The following GRIK1 variants were observed in gnomAD, a reference collection of about 807,000 sequenced individuals.
GRIK1 encodes the protein glutamate ionotropic receptor kainate type subunit 1, also known as glutamate receptor ionotropic, kainate 1.
Under a neutral mutation model 105.7 loss-of-function variants are expected in GRIK1, and 69 were observed. The observed-to-expected ratio is 0.65, with a 90% CI of 0.54 to 0.80. The LOEUF is 0.80. Ranked by LOEUF, GRIK1 falls within the 30% of genes least tolerant of loss-of-function variation. GRIK1 has a pLI of 0.00. For missense variants in GRIK1, 1,109 were observed against 1,167.3 expected (o/e 0.95, Z 0.73); for synonymous variants, 438 against 431.3 (o/e 1.02, Z -0.19).
intron 1 of GRIK1, among the ~76,000 whole-genome samples, chr21:29,872,049 C>T (rs1164625727): frequency 6.6e-6 from 1 of 151,962 alleles, no homozygotes; most frequent in African/African-American, 2.4e-5. Flanking sequence ...CAGGCATGAG[C>T]CACCATGCCA....
intron 1 of GRIK1, among the ~76,000 whole-genome samples, chr21:29,757,158 AG>A (rs1032566777): frequency 2.0e-5 from 3 of 152,158 alleles, no homozygotes; most frequent in African/African-American, 7.2e-5. Flanking sequence ...TTAAAAAAAA[AG>A]AAATGCGAAC....
At chr21:29,779,369 T>C (rs2066029758) in intron 1 of GRIK1, among the ~76,000 whole-genome samples, 1 of 150,670 alleles carries the variant, frequency 6.6e-6, no homozygotes, top group Non-Finnish European at 1.5e-5. Context: ...TGTGCACGTG[T>C]GTGTGTGCAT....
At chr21:29,922,015 GA>G (rs1468676646) in intron 1 of GRIK1, among the ~76,000 whole-genome samples, 1 of 152,116 alleles carries the variant, frequency 6.6e-6, no homozygotes, top group African/African-American at 2.4e-5. Context: ...AAAGGTAGAT[GA>G]AAGAAAGGAT....
At chr21:29,622,187 T>C (rs1372333803) in intron 7 of GRIK1, among the ~76,000 whole-genome samples, 1 of 152,044 alleles carries the variant, frequency 6.6e-6, no homozygotes. Flanking sequence ...CCTCAGGTGA[T>C]CCACCCGTCT....
intron 1 of GRIK1, among the ~76,000 whole-genome samples, chr21:29,937,649 G>A (rs192518109): frequency 1.1e-4 from 16 of 152,306 alleles, no homozygotes; most frequent in Non-Finnish European, 1.5e-4. Context: ...ATACAGGGAT[G>A]AGGAACATTG....
chr21:29,888,950 T>A (rs1348124651), intron 1 of GRIK1, among the ~76,000 whole-genome samples: 6 of 152,208 alleles, frequency 3.9e-5, no homozygotes, highest in Non-Finnish European at 5.9e-5. Flanking sequence ...TCCATCCTGT[T>A]TTTTTGTAAC....
At position 29,561,670 on chromosome 21, in the gene GRIK1, G is replaced by T. The variant is rs144877234; in HGVS notation, c.2310C>A (p.Ile770=). Residue 770 remains isoleucine, a synonymous_variant, in exon 15 of 18, where the codon ATC becomes ATA. Transcript: ENST00000327783. ...AACCTTTGGAGTCAATGAGGCCCCC[G>T]ATCTGAGTGAGGTTGCAGTTTCTCT... ...VTQRNCNLTQ[I]GGLIDSKGYG... 2 of 1,613,962 alleles carry T rather than the reference G, an allele frequency of 1.2e-6. No individual in the cohort carries two copies. Among genetic ancestry groups the T allele is most frequent in the East Asian group, 4.5e-5 (2 of 44,878 alleles).
intron 14 of GRIK1, 98 bp from the exon 15 acceptor site, chr21:29,561,947 G>GTATCCTCCCT: frequency 2.8e-6 from 2 of 707,722 alleles, no homozygotes; most frequent in Non-Finnish European, 5.1e-6. Context: ...TGATAGGGAG[G>GTATCCTCCCT]ATACTTTCTC....
At chr21:29,645,553 A>C (rs1280388084) in intron 6 of GRIK1, among the ~76,000 whole-genome samples, 1 of 152,230 alleles carries the variant, frequency 6.6e-6, no homozygotes, top group Non-Finnish European at 1.5e-5. Context: ...TGTGCCCTTC[A>C]ACCCAAAGAA....
chr21:29,914,435 A>G (rs754183845), intron 1 of GRIK1, among the ~76,000 whole-genome samples: 1 of 151,984 alleles, frequency 6.6e-6, no homozygotes, highest in African/African-American at 2.4e-5. Context: ...TCCTGCCCCT[A>G]TGGGGCAGTC....
At chr21:29,736,576 T>C (rs893773867) in intron 1 of GRIK1, among the ~76,000 whole-genome samples, 1 of 152,084 alleles carries the variant, frequency 6.6e-6, no homozygotes, top group African/African-American at 2.4e-5. Flanking sequence ...ATAAATTCAT[T>C]TAAATATTTA....
intron 4 of GRIK1, among the ~76,000 whole-genome samples, chr21:29,662,397 C>T (rs2062982622): frequency 1.3e-5 from 2 of 152,164 alleles, no homozygotes; most frequent in African/African-American, 4.8e-5. Context: ...AACCTCTCTG[C>T]AACATCTAGG....
intron 1 of GRIK1, among the ~76,000 whole-genome samples, chr21:29,877,244 A>T (rs1007360920): frequency 6.6e-6 from 1 of 152,150 alleles, no homozygotes; most frequent in Non-Finnish European, 1.5e-5. Context: ...GATGCTAGGC[A>T]AGGAATAGTG....
At chr21:29,595,844 TC>T (rs983543327) in intron 9 of GRIK1, among the ~76,000 whole-genome samples, 7 of 152,210 alleles carry the variant, frequency 4.6e-5, no homozygotes, top group Non-Finnish European at 1.0e-4. Flanking sequence ...CTTACATAAA[TC>T]TATGCACATT....
chr21:29,688,765 A>G (rs551621505), intron 3 of GRIK1, among the ~76,000 whole-genome samples: 2 of 152,284 alleles, frequency 1.3e-5, no homozygotes, highest in East Asian at 3.9e-4. Flanking sequence ...TTTAAGGAAG[A>G]GGGAAATTTG....
chr21:29,880,043 T>C (rs913931093), intron 1 of GRIK1, among the ~76,000 whole-genome samples: 1 of 152,122 alleles, frequency 6.6e-6, no homozygotes. Flanking sequence ...ACTACAGAGT[T>C]TCAGAATACG....
intron 1 of GRIK1, among the ~76,000 whole-genome samples, chr21:29,721,653 G>C (rs978946770): frequency 1.2e-4 from 18 of 152,020 alleles, no homozygotes; most frequent in African/African-American, 4.3e-4. Flanking sequence ...CAGATATTAT[G>C]TTCCCCAAGT....
chr21:29,778,621 A>C (rs1167254584), intron 1 of GRIK1, among the ~76,000 whole-genome samples: 1 of 152,212 alleles, frequency 6.6e-6, no homozygotes. Context: ...ACCATGTTTT[A>C]ATAGGGTTTT....
chr21:29,920,179 G>C (rs1191201998), intron 1 of GRIK1, among the ~76,000 whole-genome samples: 1 of 151,598 alleles, frequency 6.6e-6, no homozygotes, highest in African/African-American at 2.4e-5. Flanking sequence ...TTTCTTCAAA[G>C]AGAAGTTTTA....
Sources: gnomAD v4.1 joint callset for allele counts (sites outside exome capture counted in the v4.1 genomes callset) on GRCh38, gnomAD v4.1.1 for gene constraint, MANE v1.5 for transcripts, NCBI Gene and HGNC (gene_info 2026-07-23, HGNC 2026-07-21) for gene names.